The following VEPH1 variants were observed in gnomAD, a reference collection of about 807,000 sequenced individuals.
The protein encoded by VEPH1 is ventricular zone expressed PH domain containing 1, also known as ventricular zone-expressed PH domain-containing protein homolog 1.
VEPH1 carries 80 observed loss-of-function variants against 85.2 expected under a neutral mutation model. The observed-to-expected ratio is 0.94, with a 90% CI of 0.78 to 1.13. The LOEUF is 1.13. VEPH1 is among the 50% of genes most tolerant of loss of function. VEPH1 has a pLI of 0.00. For missense variants in VEPH1, 955 were observed against 980.5 expected (o/e 0.97, Z 0.35); for synonymous variants, 297 against 348.0 (o/e 0.85, Z 1.63).
chr3:157,361,476 G>A (rs1726042277), intron 9 of VEPH1, among the ~76,000 whole-genome samples: 1 of 152,192 alleles, frequency 6.6e-6, no homozygotes, highest in Non-Finnish European at 1.5e-5. Context: ...CTGATAGCCA[G>A]TGGGCAGATG....
At chr3:157,409,625 T>C in intron 6 of VEPH1, 2 of 985,374 alleles carry the variant, frequency 2.0e-6, no homozygotes, top group Non-Finnish European at 2.4e-6. Context: ...CTCTGCCGAA[T>C]GTAATATAGA....
chr3:157,304,038 T>TATACACACAC, intron 11 of VEPH1, among the ~76,000 whole-genome samples: 8 of 96,880 alleles, frequency 8.3e-5, no homozygotes, highest in South Asian at 3.5e-4. Flanking sequence ...TATATATATA[T>TATACACACAC]ACACACATAC....
intron 12 of VEPH1, among the ~76,000 whole-genome samples, chr3:157,284,650 G>C (rs532061017): frequency 2.1e-5 from 3 of 144,312 alleles, no homozygotes; most frequent in Admixed American, 7.4e-5. Flanking sequence ...AACTATCCAG[G>C]GAGTCAAGGG....
intron 9 of VEPH1, among the ~76,000 whole-genome samples, chr3:157,332,226 G>T (rs1051250115): frequency 2.0e-5 from 3 of 152,098 alleles, no homozygotes; most frequent in African/African-American, 7.2e-5. Flanking sequence ...AATTCTTATT[G>T]CAGTAAAATA....
intron 13 of VEPH1, among the ~76,000 whole-genome samples, chr3:157,262,741 T>C (rs1260453903): frequency 2.0e-5 from 3 of 152,296 alleles, no homozygotes; most frequent in East Asian, 3.9e-4. Flanking sequence ...TTTAAACTTA[T>C]GATAAAAGTG....
chr3:157,487,108 T>TA (rs1302693736), intron 2 of VEPH1, among the ~76,000 whole-genome samples: 1 of 151,286 alleles, frequency 6.6e-6, no homozygotes, highest in Non-Finnish European at 1.5e-5. Flanking sequence ...TTGAGGAGAC[T>TA]AAAAAAAAGA....
At chr3:157,450,992 T>C (rs937503875) in intron 4 of VEPH1, among the ~76,000 whole-genome samples, 2 of 152,222 alleles carry the variant, frequency 1.3e-5, no homozygotes, top group African/African-American at 4.8e-5. Context: ...TTATGATTTA[T>C]GCATCTATGT....
chr3:157,290,029 TACACAAAC>T (rs66607919), intron 11 of VEPH1, among the ~76,000 whole-genome samples: 6,423 of 114,864 alleles, frequency 0.056, 175 homozygotes, highest in South Asian at 0.11. Flanking sequence ...GTTGTTATTA[TACACAAAC>T]ACACACACAC....
intron 4 of VEPH1, chr3:157,438,015 T>C: frequency 1.5e-6 from 2 of 1,353,048 alleles, no homozygotes; most frequent in Non-Finnish European, 2.0e-6. Flanking sequence ...GAAGCTTTCA[T>C]GGGAAGCGCG....
intron 3 of VEPH1, among the ~76,000 whole-genome samples, chr3:157,463,173 C>T (rs62278654): frequency 0.18 from 27,306 of 152,180 alleles, 2,963 homozygotes; most frequent in East Asian, 0.38. Flanking sequence ...TTAAGCATCC[C>T]TGCCTCCCCA....
intron 9 of VEPH1, among the ~76,000 whole-genome samples, chr3:157,353,500 C>T (rs1725104318): frequency 6.6e-6 from 1 of 152,104 alleles, no homozygotes; most frequent in African/African-American, 2.4e-5. Context: ...GTCCTGAGCT[C>T]AGGCGATCTG....
Position 157,363,446 on chromosome 3 carries a change from T to A in VEPH1, c.1653A>T (p.Leu551Phe), listed in dbSNP as rs752896071. The change falls in exon 9 of 14, where the codon TTA becomes TTT. Residue 551 changes from leucine to phenylalanine, a missense_variant. Transcript: ENST00000362010. ...CTTTCACTTTGCTGAGGTTTTTTTT[T>A]AAGTGCAAGTAGAGCTTATCTTGGT... ...IEYQDKLYLH[L>F]KKNLSKVKAY... is the part of the protein sequence containing the mutation. 1.2e-6 allele frequency: 2 copies of A among 1,613,436 alleles called. No homozygotes were observed. The highest frequency in any genetic ancestry group is 4.5e-5 in the East Asian group (2 of 44,878).
chr3:157,453,189 G>GAGC (rs1560074135), intron 4 of VEPH1, among the ~76,000 whole-genome samples: 1 of 152,230 alleles, frequency 6.6e-6, no homozygotes, highest in South Asian at 2.1e-4. Context: ...TGAGGAAGCA[G>GAGC]AGCTGAGAAT....
chr3:157,291,374 G>A (rs1284350482), intron 11 of VEPH1, among the ~76,000 whole-genome samples: 1 of 152,174 alleles, frequency 6.6e-6, no homozygotes, highest in African/African-American at 2.4e-5. Flanking sequence ...TAGGCATAGT[G>A]TCTAGTAGGA....
intron 1 of VEPH1, among the ~76,000 whole-genome samples, chr3:157,497,260 C>T (rs1211295317): frequency 2.0e-5 from 3 of 152,160 alleles, no homozygotes; most frequent in South Asian, 2.1e-4. Context: ...TCCCCTTCTA[C>T]ACTGCTCCTG....
At chr3:157,416,746 A>G (rs1450766831) in intron 5 of VEPH1, among the ~76,000 whole-genome samples, 1 of 152,078 alleles carries the variant, frequency 6.6e-6, no homozygotes, top group Non-Finnish European at 1.5e-5. Context: ...CCTGTAAAGA[A>G]CAATTAAAAA....
chr3:157,336,990 A>C (rs1301253713), intron 9 of VEPH1, among the ~76,000 whole-genome samples: 1 of 152,218 alleles, frequency 6.6e-6, no homozygotes, highest in Non-Finnish European at 1.5e-5. Context: ...ACAGTGAATA[A>C]TATTGTAAGA....
At chr3:157,499,226 T>A (rs1305333686) in intron 1 of VEPH1, among the ~76,000 whole-genome samples, 4 of 151,186 alleles carry the variant, frequency 2.6e-5, no homozygotes, top group Admixed American at 2.0e-4. Flanking sequence ...GGGGTTCTAA[T>A]CTGAGGCCCA....
chr3:157,467,315 T>C (rs1736481986), intron 3 of VEPH1, among the ~76,000 whole-genome samples: 1 of 152,038 alleles, frequency 6.6e-6, no homozygotes, highest in Admixed American at 6.6e-5. Context: ...CAATCACTCA[T>C]TTCTTGTTGT....
Sources: allele counts gnomAD v4.1 joint callset (sites outside exome capture counted in the v4.1 genomes callset), GRCh38; gene constraint gnomAD v4.1.1; transcripts MANE v1.5; gene names NCBI Gene and HGNC (gene_info 2026-07-23, HGNC 2026-07-21).